Variants in THADA observed in about 807,000 individuals in gnomAD.
THADA encodes the protein THADA armadillo repeat containing.
In THADA, 213 loss-of-function variants were observed where a neutral mutation model predicts 219.8. The observed-to-expected ratio is 0.97, with a 90% CI of 0.87 to 1.09. The LOEUF (loss-of-function observed/expected upper bound fraction) is 1.09. Among genes scored for constraint, THADA ranks in the 50% least tolerant of loss-of-function variants. The probability of loss-of-function intolerance (pLI) is 0.00; values close to 1 mark genes in which losing one functional copy is unlikely to be tolerated. For missense variants in THADA, 2,956 were observed against 2,311.3 expected, an observed-to-expected ratio of 1.28 and a Z score of -5.72; for synonymous variants, 1,018 against 828.9, an observed-to-expected ratio of 1.23 and a Z score of -3.92.
Position 43,289,919 on chromosome 2 carries a change from G to A in THADA, c.5010+1777C>T, listed in dbSNP as rs1255778370. 5.3e-5 allele frequency among the ~76,000 whole-genome samples: 8 copies of A among 150,932 alleles called. No homozygotes were observed. The South Asian group carries it at 6.3e-4, about 12-fold the overall frequency. On this transcript the variant is annotated intron_variant, in intron 34 of 37. Coordinates refer to ENST00000405975, the MANE Select transcript of THADA (RefSeq NM_022065.5). ...TCCGCCCGCCTCAGCCTCCCAAAGTGCTAGGATTACAGGTGTGAGCTACCG... is the reference window on the plus strand; with the variant it reads ...TCCGCCCGCCTCAGCCTCCCAAAGTACTAGGATTACAGGTGTGAGCTACCG...
intron 26 of THADA, among the ~76,000 whole-genome samples, chr2:43,458,721 C>CA (rs1052961409): frequency 2.0e-5 from 3 of 152,038 alleles, no homozygotes; most frequent in Non-Finnish European, 2.9e-5. Context: ...AAAACAACAA[C>CA]AAAAAACCCC....
intron 36 of THADA, among the ~76,000 whole-genome samples, chr2:43,265,291 T>C (rs1671393559): frequency 6.6e-6 from 1 of 152,238 alleles, no homozygotes; most frequent in African/African-American, 2.4e-5. Context: ...GCCAACATTT[T>C]TGAGTGTATA....
At position 43,581,734 on chromosome 2, in the gene THADA, C is replaced by T; in HGVS notation, c.721+7G>A. The T allele has an allele frequency of 1.2e-6, 2 of 1,605,256 alleles. No individual in the cohort carries two copies. Among genetic ancestry groups the T allele is most frequent in the Non-Finnish European group, 1.7e-6 (2 of 1,177,298 alleles). On this transcript the variant is annotated splice_region_variant and intron_variant, in intron 8 of 37. Transcript: ENST00000405975. ...TATATCATTTGTATATAATTTGTTA[C>T]ACTTACCATCGCTTAAAACCTTGGT...
intron 29 of THADA, among the ~76,000 whole-genome samples, chr2:43,378,235 CTG>C (rs1429296946): frequency 6.6e-6 from 1 of 152,144 alleles, no homozygotes; most frequent in Non-Finnish European, 1.5e-5. Flanking sequence ...CTTATTTCAC[CTG>C]TGTCACTAGA....
intron 28 of THADA, among the ~76,000 whole-genome samples, chr2:43,410,222 A>C (rs1676112174): frequency 6.6e-6 from 1 of 152,208 alleles, no homozygotes; most frequent in Non-Finnish European, 1.5e-5. Flanking sequence ...AGAAAGGCTA[A>C]AGTTAAAAAG....
intron 24 of THADA, among the ~76,000 whole-genome samples, chr2:43,504,039 C>T (rs544287730): frequency 6.6e-6 from 1 of 152,084 alleles, no homozygotes; most frequent in South Asian, 2.1e-4. Flanking sequence ...AGATGCTGAC[C>T]TGTTCAGTAT....
At position 43,292,993 on chromosome 2, in the gene THADA, G is replaced by T; in HGVS notation, c.4659C>A (p.Phe1553Leu). Residue 1553 changes from phenylalanine to leucine, a missense_variant, in exon 32 of 38, where the codon TTC (phenylalanine) becomes TTA (leucine). Transcript: ENST00000405975. ...ISFSQLLESA[F>L]PEVRSLTLEA... The stretch of plus-strand genomic sequence containing the variant: ...CCAGTGTTAGTGAGCGCACTTCAGG[G>T]AAGGCAGATTCTAACAGCTGAGAGA... 1 of 1,614,008 alleles carries T rather than the reference G, an allele frequency of 6.2e-7. No homozygotes were observed. The highest frequency in any genetic ancestry group is 2.2e-5 in the East Asian group (1 of 44,876).
chr2:43,586,300 G>T (rs1223245517), intron 7 of THADA, 101 bp downstream of exon 7: 3 of 958,860 alleles, frequency 3.1e-6, no homozygotes, highest in Admixed American at 3.3e-5. Context: ...TAATGAAAAG[G>T]GATGAAAAGA....
At chr2:43,273,355 T>C (rs900416266) in intron 36 of THADA, among the ~76,000 whole-genome samples, 2 of 151,776 alleles carry the variant, frequency 1.3e-5, no homozygotes, top group Non-Finnish European at 2.9e-5. Context: ...GGCTTGGAGA[T>C]AGGTAGGAGG....
chr2:43,532,047 A>T (rs371866088), intron 21 of THADA, among the ~76,000 whole-genome samples: 3 of 151,800 alleles, frequency 2.0e-5, no homozygotes, highest in Admixed American at 2.0e-4. Flanking sequence ...TACTGTCACA[A>T]CTTCTACTGA....
chr2:43,539,057 CA>C (rs1370386921), intron 21 of THADA, among the ~76,000 whole-genome samples: 1 of 152,224 alleles, frequency 6.6e-6, no homozygotes, highest in Non-Finnish European at 1.5e-5. Context: ...TGGCTTTCTT[CA>C]TCCATTGAGA....
intron 22 of THADA, among the ~76,000 whole-genome samples, chr2:43,515,996 C>G (rs1411186732): frequency 1.3e-5 from 2 of 152,138 alleles, no homozygotes; most frequent in Non-Finnish European, 2.9e-5. Context: ...TCGATCTCTT[C>G]AGGGGCTCAA....
intron 36 of THADA, among the ~76,000 whole-genome samples, chr2:43,275,056 G>A (rs112220958): frequency 0.038 from 5,441 of 141,652 alleles, 169 homozygotes; most frequent in South Asian, 0.18. Flanking sequence ...GTGCAGTGGT[G>A]TGATCTTGGC....
chr2:43,245,993 C>T (rs1230579917), intron 36 of THADA, among the ~76,000 whole-genome samples: 1 of 152,028 alleles, frequency 6.6e-6, no homozygotes, highest in Non-Finnish European at 1.5e-5. Flanking sequence ...ACTAGGCGCC[C>T]ACCTCCGAGC....
chr2:43,570,673 A>G (rs1699193695), intron 13 of THADA, among the ~76,000 whole-genome samples, 163 bp from the exon 14 acceptor site: 1 of 152,234 alleles, frequency 6.6e-6, no homozygotes. Context: ...TAATTTTTAT[A>G]CCAAAAACAA....
At chr2:43,466,575 T>A (rs1684265538) in intron 26 of THADA, among the ~76,000 whole-genome samples, 1 of 152,102 alleles carries the variant, frequency 6.6e-6, no homozygotes, top group Non-Finnish European at 1.5e-5. Flanking sequence ...CTTATTTACC[T>A]CCTAATGCCC....
intron 30 of THADA, among the ~76,000 whole-genome samples, chr2:43,334,816 G>C (rs935980200): frequency 4.6e-5 from 7 of 152,160 alleles, no homozygotes; most frequent in Non-Finnish European, 8.8e-5. Context: ...TCCCATACAG[G>C]GCACTGAGGC....
chr2:43,326,790 T>C (rs1039619768), intron 30 of THADA, among the ~76,000 whole-genome samples: 3 of 152,200 alleles, frequency 2.0e-5, no homozygotes, highest in Non-Finnish European at 4.4e-5. Flanking sequence ...CCACTCAATA[T>C]TGTGAAGCCT....
At chr2:43,585,553 T>C (rs915342772) in intron 7 of THADA, among the ~76,000 whole-genome samples, 1 of 149,652 alleles carries the variant, frequency 6.7e-6, no homozygotes, top group African/African-American at 2.5e-5. Flanking sequence ...GATAGATAGA[T>C]AGATAGATAG....
Sources: gnomAD v4.1 joint callset for allele counts (sites outside exome capture counted in the v4.1 genomes callset) on GRCh38, gnomAD v4.1.1 for gene constraint, MANE v1.5 for transcripts, NCBI Gene and HGNC (gene_info 2026-07-23, HGNC 2026-07-21) for gene names.